Variants in KCNV2 observed in about 807,000 individuals in gnomAD.
KCNV2 encodes the protein potassium voltage-gated channel modifier subfamily V member 2.
Under a neutral mutation model 37.0 loss-of-function variants are expected in KCNV2, and 65 were observed. The observed-to-expected ratio is 1.76, with a 90% confidence interval of 1.44 to 2.16. KCNV2 has a LOEUF of 2.16. Ranked by LOEUF, KCNV2 falls within the 30% of genes most tolerant of loss-of-function variation. The pLI is 0.00. For missense variants in KCNV2, 1,232 were observed against 766.7 expected (o/e 1.61, Z -7.17); for synonymous variants, 518 against 328.6 (o/e 1.58, Z -6.23).
rs1017035625 is a variant in KCNV2 at position 2,719,207 on chromosome 9, C to G, written c.1356+112C>G. On this transcript the variant is annotated intron_variant, in intron 1 of 1. Transcript: ENST00000382082. ...TTGGCTTCTGATCCTCGTCTTCCCCCCCACCCCCAATCGCCGCATACAGCT... is the reference window on the plus strand; with the variant it reads ...TTGGCTTCTGATCCTCGTCTTCCCCGCCACCCCCAATCGCCGCATACAGCT... The G allele has an allele frequency of 1.3e-5, 16 of 1,223,426 alleles. No homozygotes were observed. In the East Asian group the frequency reaches 3.3e-4, roughly 25 times the overall value. 75.8% of individuals were successfully genotyped at this position (1,223,426 alleles called of 1,614,324 possible). A position where few individuals can be genotyped will look rare whatever the true frequency, so the allele number is the denominator to read the frequency against.
chr9:2,719,115 G>T lies in KCNV2; in HGVS notation c.1356+20G>T, dbSNP rs368533172. On this transcript the variant is annotated intron_variant, in intron 1 of 1. Transcript: ENST00000382082. ...GCCGCGGTGAGTACCTTTGCCCTGG[G>T]CTTTCCCATCCTCTTCCCCAGCCCA... 6.2e-7 allele frequency: 1 copy of T among 1,604,322 alleles called. No individual in the cohort carries two copies. The highest frequency in any genetic ancestry group is 8.5e-7 in the Non-Finnish European group (1 of 1,179,872).
chr9:2,728,505 A>G (rs918573148), intron 1 of KCNV2, among the ~76,000 whole-genome samples: 2 of 152,204 alleles, frequency 1.3e-5, no homozygotes, highest in African/African-American at 4.8e-5. Flanking sequence ...TGCATTTTAA[A>G]ACAGAAGCTT....
At chr9:2,728,866 T>C in intron 1 of KCNV2, among the ~76,000 whole-genome samples, 1 of 150,262 alleles carries the variant, frequency 6.7e-6, no homozygotes, top group East Asian at 1.9e-4. Context: ...TTAGATGGTT[T>C]TCTCCTGTTT....
rs1413709911 is a variant in KCNV2, at chr9:2,718,953, G to T, written c.1214G>T (p.Arg405Leu). 3 of 1,610,168 alleles carry T rather than the reference G, an allele frequency of 1.9e-6. No individual in the cohort carries two copies. The highest frequency in any genetic ancestry group is 1.1e-5 in the South Asian group (1 of 91,088). ...CTGCGTGCCTTCGGCTTCACGCTGC[G>T]CCAGTGCTACCAGCAGGTGGGCTGC... Reference protein sequence around the residue: ...TGLRAFGFTLRQCYQQVGCLL... With the variant: ...TGLRAFGFTLLQCYQQVGCLL... Residue 405 changes from arginine to leucine, a missense_variant, in exon 1 of 2, where the codon CGC (arginine) becomes CTC (leucine). Transcript: ENST00000382082.
chr9:2,720,046 G>A (rs1477671630), intron 1 of KCNV2, among the ~76,000 whole-genome samples: 1 of 152,250 alleles, frequency 6.6e-6, no homozygotes, highest in Non-Finnish European at 1.5e-5. Context: ...AGAATTGAAT[G>A]TATGGTTTCC....
Position 2,717,537 on chromosome 9 carries a change from G to A in KCNV2, c.-203G>A, listed in dbSNP as rs1047772465. The A allele has an allele frequency of 1.6e-6, 1 of 620,052 alleles. No homozygotes were observed. The highest frequency in any genetic ancestry group is 2.8e-5 in the East Asian group (1 of 36,152). 38.4% of individuals were successfully genotyped at this position (620,052 alleles called of 1,614,324 possible). The stretch of plus-strand genomic sequence containing the variant: ...AGCAGTCAACAGCTGACTGCGTTCA[G>A]ACCCTGCAGGCTGGGCTGGCCTGCC... On this transcript the variant is annotated 5_prime_UTR_variant, in exon 1 of 2. Coordinates refer to ENST00000382082, the MANE Select transcript of KCNV2 (RefSeq NM_133497.4).
intron 1 of KCNV2, among the ~76,000 whole-genome samples, chr9:2,728,114 G>A (rs1366072088): frequency 2.0e-5 from 3 of 152,122 alleles, no homozygotes; most frequent in South Asian, 2.1e-4. Flanking sequence ...TGTGCAGCTG[G>A]CTCACTTCTC....
intron 1 of KCNV2, among the ~76,000 whole-genome samples, chr9:2,727,134 G>A (rs1474615776): frequency 6.6e-6 from 1 of 152,094 alleles, no homozygotes; most frequent in East Asian, 1.9e-4. Flanking sequence ...AGAGGTGTGA[G>A]TCATGGTGTT....
At position 2,718,857 on chromosome 9, in the gene KCNV2, G is replaced by C. The variant is rs201564009; in HGVS notation, c.1118G>C (p.Gly373Ala). Residue 373 changes from glycine (G) to alanine (A), a missense_variant, in exon 1 of 2, where the codon GGT becomes GCT. By Grantham distance (60) the Gly-to-Ala change is moderately conservative. Coordinates refer to ENST00000382082, the MANE Select transcript of KCNV2 (RefSeq NM_133497.4). Reference protein sequence around the residue: ...GQTVGSVGKVGQVLRVMRLMR... With the variant: ...GQTVGSVGKVAQVLRVMRLMR... ...ACGGTGGGCAGCGTGGGTAAGGTGGGTCAGGTGTTGCGCGTCATGCGCCTC... is the reference window on the plus strand; with the variant it reads ...ACGGTGGGCAGCGTGGGTAAGGTGGCTCAGGTGTTGCGCGTCATGCGCCTC... 1.0e-4 allele frequency: 165 copies of C among 1,609,216 alleles called. 1 individual carries two copies. The African/African-American group carries it at 1.8e-3, about 17-fold the overall frequency.
intron 1 of KCNV2, among the ~76,000 whole-genome samples, chr9:2,721,274 A>T (rs942284415): frequency 1.3e-5 from 2 of 152,224 alleles, no homozygotes; most frequent in Non-Finnish European, 2.9e-5. Context: ...TACAAATTAG[A>T]TAAAAGACTG....
At chr9:2,729,392 TCTC>T (rs1209060192) in intron 1 of KCNV2, 51 bp from the exon 2 acceptor site, 8 of 1,602,970 alleles carry the variant, frequency 5.0e-6, no homozygotes, top group African/African-American at 2.7e-5. Context: ...CTCCCTTTCT[TCTC>T]CTCCCCGATC....
intron 1 of KCNV2, among the ~76,000 whole-genome samples, chr9:2,722,970 C>A (rs1337984280): frequency 6.6e-6 from 1 of 152,122 alleles, no homozygotes; most frequent in African/African-American, 2.4e-5. Context: ...TTTGCTCAGC[C>A]CATTGGCCAG....
intron 1 of KCNV2, among the ~76,000 whole-genome samples, chr9:2,727,755 C>T (rs547998932): frequency 6.6e-6 from 1 of 152,232 alleles, no homozygotes; most frequent in East Asian, 1.9e-4. Context: ...CACCCTGTGC[C>T]AGGCACTCCT....
chr9:2,722,352 G>A (rs1465677174), intron 1 of KCNV2, among the ~76,000 whole-genome samples: 4 of 136,324 alleles, frequency 2.9e-5, no homozygotes, highest in African/African-American at 1.2e-4. Context: ...TAAATTAGAA[G>A]TTATTTATAA....
chr9:2,718,397 C>G lies in KCNV2; in HGVS notation c.658C>G (p.Leu220Val). The G allele has an allele frequency of 1.9e-6, 3 of 1,601,908 alleles. No individual in the cohort carries two copies. Among genetic ancestry groups the G allele is most frequent in the East Asian group, 2.3e-5 (1 of 44,392 alleles). Reference sequence around the variant, plus strand: ...CGAACGGCTCAAGATCCAGCACGAGCTGCGCGCGCAGGCGCAGGTCGAGGA... The same window carrying G: ...CGAACGGCTCAAGATCCAGCACGAGGTGCGCGCGCAGGCGCAGGTCGAGGA... ...LSERLKIQHE[L>V]RAQAQVEEAE... The change falls in exon 1 of 2, where the codon CTG becomes GTG. Residue 220 changes from leucine to valine, a missense_variant. Physicochemically the swap from Leu to Val is conservative, Grantham distance 32 (BLOSUM62 1). Transcript: ENST00000382082.
At position 2,718,031 on chromosome 9, in the gene KCNV2, A is replaced by T. The variant is rs1180564074; in HGVS notation, c.292A>T (p.Thr98Ser). ...GPSDPPALLS[T>S]LNVNVGGHSY... ...CAGCGACCCTCCGGCCCTGCTGTCC[A>T]CGCTGAATGTGAACGTGGGTGGCCA... is the stretch of plus-strand genomic sequence containing the variant. The change falls in exon 1 of 2, where the codon ACG becomes TCG. Residue 98 changes from threonine (T) to serine (S), a missense_variant. Physicochemically the swap from Thr to Ser is moderately conservative, Grantham distance 58. Transcript: ENST00000382082. The T allele has an allele frequency of 6.2e-7, 1 of 1,612,312 alleles. No homozygotes were observed.
At position 2,718,340 on chromosome 9, in the gene KCNV2, A is replaced by C. The variant is rs775332723; in HGVS notation, c.601A>C (p.Ile201Leu). 3.7e-6 allele frequency: 6 copies of C among 1,603,094 alleles called. No homozygotes were observed. Among genetic ancestry groups the C allele is most frequent in the African/African-American group, 2.7e-5 (2 of 74,884 alleles). The change falls in exon 1 of 2, where the codon ATC (isoleucine) becomes CTC (leucine). Residue 201 changes from isoleucine to leucine, a missense_variant. Transcript: ENST00000382082. ...RLKYTPRCCR[I>L]CFEERRDELS... is the part of the protein sequence containing the mutation. ...CAAGTACACGCCACGCTGCTGCCGCATCTGCTTCGAGGAGCGGCGCGACGA... is the reference window on the plus strand; with the variant it reads ...CAAGTACACGCCACGCTGCTGCCGCCTCTGCTTCGAGGAGCGGCGCGACGA...
At position 2,718,504 on chromosome 9, in the gene KCNV2, C is replaced by T; in HGVS notation, c.765C>T (p.Ser255=). 1.9e-6 allele frequency: 3 copies of T among 1,610,864 alleles called. No individual in the cohort carries two copies. Among genetic ancestry groups the T allele is most frequent in the Middle Eastern group, 1.7e-4 (1 of 6,054 alleles). The change falls in exon 1 of 2, where the codon TCC becomes TCT. Residue 255 remains serine, a synonymous_variant. Transcript: ENST00000382082. ...RLWNLMEKPF[S]SVAAKAIGVA... is the part of the protein sequence containing the mutation. ...GGAACCTCATGGAGAAGCCATTCTC[C>T]TCGGTGGCCGCCAAGGCCATCGGGG...
Position 2,717,935 on chromosome 9 carries a change from C to T in KCNV2, c.196C>T (p.Gln66Ter), listed in dbSNP as rs779887176. The T allele has an allele frequency of 3.1e-6, 5 of 1,613,892 alleles. No individual in the cohort carries two copies. The highest frequency in any genetic ancestry group is 2.2e-5 in the South Asian group (2 of 91,086). Reference sequence around the variant, plus strand: ...AGACGAAGACGGCGAGGAGGAGGACCAGTGGAAGGACGACCTGGCAGAAGA... The same window carrying T: ...AGACGAAGACGGCGAGGAGGAGGACTAGTGGAAGGACGACCTGGCAGAAGA... ...EEDEDGEEED[Q>*]WKDDLAEEDQ... Residue 66 changes from glutamine (Q) to a stop codon, truncating the protein, a stop_gained, in exon 1 of 2, where the codon CAG becomes TAG. Coordinates refer to ENST00000382082, the MANE Select transcript of KCNV2 (RefSeq NM_133497.4). LOFTEE classifies it high-confidence loss of function.
Sources: gnomAD v4.1 joint callset for allele counts (sites outside exome capture counted in the v4.1 genomes callset) on GRCh38, gnomAD v4.1.1 for gene constraint, MANE v1.5 for transcripts, NCBI Gene and HGNC (gene_info 2026-07-23, HGNC 2026-07-21) for gene names.